Variants in KCNK9 observed in about 807,000 individuals in gnomAD.
The protein encoded by KCNK9 is potassium two pore domain channel subfamily K member 9, also known as potassium channel subfamily K member 9.
A neutral mutation model predicts 10.8 loss-of-function variants in KCNK9; 1 was observed. The ratio of observed to expected loss-of-function variants is 0.09; its 90% CI spans 0.03 to 0.44. KCNK9 has a LOEUF of 0.44. Ranked by LOEUF, KCNK9 falls within the 20% of genes least tolerant of loss-of-function variation. KCNK9 has a pLI of 0.97. For synonymous variants in KCNK9, 231 were observed against 222.7 expected, an observed-to-expected ratio of 1.04 and a Z score of -0.33; for missense variants, 303 against 515.0, an observed-to-expected ratio of 0.59 and a Z score of 3.98.
chr8:139,687,189 C>A (rs1420246151), intron 1 of KCNK9, among the ~76,000 whole-genome samples: 2 of 151,816 alleles, frequency 1.3e-5, no homozygotes, highest in Non-Finnish European at 2.9e-5. Flanking sequence ...TGCAACAGAG[C>A]CAAACATTTC....
At chr8:139,678,713 G>A (rs1368942500) in intron 1 of KCNK9, among the ~76,000 whole-genome samples, 1 of 152,258 alleles carries the variant, frequency 6.6e-6, no homozygotes, top group Non-Finnish European at 1.5e-5. Context: ...GCTTGGGTGG[G>A]CTGTTCTGGC....
chr8:139,650,627 G>A (rs1427040934), intron 1 of KCNK9, among the ~76,000 whole-genome samples: 1 of 152,212 alleles, frequency 6.6e-6, no homozygotes, highest in African/African-American at 2.4e-5. Context: ...CAGGGTCCCT[G>A]AGCATCTGAC....
Position 139,617,658 on chromosome 8 carries a change from T to C in KCNK9, c.*600A>G, listed in dbSNP as rs1420378931. On this transcript the variant is annotated 3_prime_UTR_variant, in exon 2 of 2. Transcript: ENST00000520439. ...TACGATAAATCAAAAACCTTGTGGG[T>C]TTTGTCTTCCCGTTTTGTTTGGAAG... is the stretch of plus-strand genomic sequence containing the variant. Among the ~76,000 whole-genome samples, 1 of 152,096 alleles carries C rather than the reference T, an allele frequency of 6.6e-6. No individual in the cohort carries two copies. The highest frequency in any genetic ancestry group is 1.5e-5 in the Non-Finnish European group (1 of 68,020).
At chr8:139,630,918 G>C (rs929233778) in intron 1 of KCNK9, among the ~76,000 whole-genome samples, 2 of 152,256 alleles carry the variant, frequency 1.3e-5, no homozygotes, top group Admixed American at 6.5e-5. Flanking sequence ...GCTTTTGAAA[G>C]AGGCTCCTAG....
At chr8:139,628,768 T>A (rs1276421581) in intron 1 of KCNK9, among the ~76,000 whole-genome samples, 1 of 152,258 alleles carries the variant, frequency 6.6e-6, no homozygotes, top group East Asian at 1.9e-4. Context: ...AAAATATATT[T>A]CTAAAACATA....
In KCNK9 at chr8:139,702,618, G is replaced by T; in HGVS notation, c.283+92C>A. The T allele has an allele frequency of 2.2e-6, 3 of 1,342,824 alleles. No homozygotes were observed. Among genetic ancestry groups the T allele is most frequent in the South Asian group, 2.7e-5 (2 of 72,852 alleles). The allele number at this position is 1,342,824 out of a possible 1,614,324, so 83.2% of individuals were successfully genotyped here. On this transcript the variant is annotated intron_variant, in intron 1 of 1. Transcript: ENST00000520439. The surrounding 1 kb of genome is among the most constrained non-coding windows in gnomAD (Gnocchi z 7.5). ...CCAAGGGAGGCTGCGTTTAACCCTC[G>T]ACGCCCTGCACCCAGCCCGGCGCGG...
intron 1 of KCNK9, among the ~76,000 whole-genome samples, chr8:139,651,659 CT>C (rs1161774332): frequency 6.6e-5 from 10 of 152,174 alleles, no homozygotes; most frequent in African/African-American, 2.4e-4. Context: ...ATTGGGCTGA[CT>C]TCCCAGCTGC....
rs1159764462 is a variant in KCNK9 at position 139,687,403 on chromosome 8, TATATATTC to T, written c.283+15299_283+15306del. Among the ~76,000 whole-genome samples, 213 of 91,220 alleles carry T rather than the reference TATATATTC, an allele frequency of 2.3e-3. 29 individuals carry two copies. The highest frequency in any genetic ancestry group is 4.0e-3 in the South Asian group (11 of 2,766). 59.8% of individuals were successfully genotyped at this position (91,220 alleles called of 152,430 possible). On this transcript the variant is annotated intron_variant, in intron 1 of 1. Transcript: ENST00000520439. ...ATATATGAATATATATGTGTATACATATATATTCATATATGTGTATACATATATATTCA... is the reference window on the plus strand; with the variant it reads ...ATATATGAATATATATGTGTATACATATATATGTGTATACATATATATTCA...
chr8:139,634,797 G>T (rs1039841472), intron 1 of KCNK9, among the ~76,000 whole-genome samples: 1 of 152,178 alleles, frequency 6.6e-6, no homozygotes, highest in Non-Finnish European at 1.5e-5. Flanking sequence ...TTGGCTTGAG[G>T]GGAGCAGGAG....
At chr8:139,610,985 A>G (rs535638218), downstream of KCNK9, among the ~76,000 whole-genome samples, 52 of 152,360 alleles carry the variant, frequency 3.4e-4, 1 homozygote, top group African/African-American at 1.1e-3. Flanking sequence ...CTCTGCCTAA[A>G]ATAGCACCCA....
chr8:139,619,533 CTA>C (rs1328990581), intron 1 of KCNK9, among the ~76,000 whole-genome samples: 2 of 152,216 alleles, frequency 1.3e-5, no homozygotes, highest in Non-Finnish European at 2.9e-5. Context: ...AGAAACCTCT[CTA>C]TGTCCACTAT....
rs117317649 is a variant in KCNK9, at chr8:139,669,834, G to T, written c.283+32876C>A. Among the ~76,000 whole-genome samples, 19 of 152,288 alleles carry T rather than the reference G, an allele frequency of 1.2e-4. No individual in the cohort carries two copies. The East Asian group carries it at 3.3e-3, about 26-fold the overall frequency. ...CAGAAATCTGTCTATGTCAACTATG[G>T]CATTACAAAATGTGTTTCTTAAATA... On this transcript the variant is annotated intron_variant, in intron 1 of 1. Transcript: ENST00000520439.
chr8:139,654,768 C>T (rs1815972812), intron 1 of KCNK9, among the ~76,000 whole-genome samples: 1 of 152,186 alleles, frequency 6.6e-6, no homozygotes, highest in South Asian at 2.1e-4. Context: ...GGCAGATCAG[C>T]GGCTTGTTCA....
intron 1 of KCNK9, among the ~76,000 whole-genome samples, chr8:139,629,921 CG>C (rs1332609954): frequency 1.3e-5 from 2 of 152,044 alleles, no homozygotes; most frequent in Middle Eastern, 3.2e-3. Context: ...GTGTGAATTT[CG>C]GGGGGCACAG....
chr8:139,635,490 C>T (rs1232188813), intron 1 of KCNK9, among the ~76,000 whole-genome samples: 1 of 152,218 alleles, frequency 6.6e-6, no homozygotes, highest in Non-Finnish European at 1.5e-5. Context: ...CTGGTGAGCC[C>T]ACCTCATGTA....
Position 139,702,790 on chromosome 8 carries a change from T to A in KCNK9, c.203A>T (p.Gln68Leu). 1 of 1,613,804 alleles carries A rather than the reference T, an allele frequency of 6.2e-7. No individual in the cohort carries two copies. Among genetic ancestry groups the A allele is most frequent in the Non-Finnish European group, 8.5e-7 (1 of 1,179,946 alleles). ...GACGCCGGCGCGGTGCGGTTCCGAC[T>A]GCAGGATCACCAGCTCCAGCTGCCG... ...DYRQLELVIL[Q>L]SEPHRAGVQW... The change falls in exon 1 of 2, where the codon CAG becomes CTG. Residue 68 changes from glutamine to leucine, a missense_variant. Physicochemically the swap from Gln to Leu is moderately radical, Grantham distance 113. Around this residue, in one of 5 missense-constraint regions of KCNK9, gnomAD observed 58 missense variants for 102.4 expected, o/e 0.57. Transcript: ENST00000520439. The surrounding 1 kb of genome is among the most constrained non-coding windows in gnomAD (Gnocchi z 7.5).
intron 1 of KCNK9, among the ~76,000 whole-genome samples, chr8:139,677,564 A>C (rs1413365194): frequency 1.3e-5 from 2 of 151,580 alleles, no homozygotes; most frequent in African/African-American, 4.9e-5. Context: ...GGACACTCTT[A>C]CAAGGAGGAA....
Position 139,668,548 on chromosome 8 carries a change from A to T in KCNK9, c.283+34162T>A, listed in dbSNP as rs534097546. On this transcript the variant is annotated intron_variant, in intron 1 of 1. Coordinates refer to ENST00000520439, the MANE Select transcript of KCNK9 (RefSeq NM_001282534.2). ...GCGATTATCCTGCCTCAGCCTCCCA[A>T]GTAGCTGGGATTACAGGTGTGCGCC... 2.0e-3 allele frequency among the ~76,000 whole-genome samples: 308 copies of T among 152,022 alleles called. 2 individuals are homozygous for T. Among genetic ancestry groups the T allele is most frequent in the African/African-American group, 6.3e-3 (260 of 41,450 alleles).
intron 1 of KCNK9, among the ~76,000 whole-genome samples, chr8:139,626,457 G>C (rs979896323): frequency 2.0e-5 from 3 of 152,226 alleles, no homozygotes; most frequent in Admixed American, 2.0e-4. Context: ...TCCCACTGCA[G>C]TGGGGTGGAG....
Sources: allele counts gnomAD v4.1 joint callset (sites outside exome capture counted in the v4.1 genomes callset), GRCh38; gene constraint gnomAD v4.1.1; regional missense constraint gnomAD v4.1.1; non-coding constraint Gnocchi (gnomAD v3.1); transcripts MANE v1.5; gene names NCBI Gene and HGNC (gene_info 2026-07-23, HGNC 2026-07-21).